Variants in NTNG2 observed in about 807,000 individuals in gnomAD.
NTNG2 encodes the protein netrin G2, also known as netrin-G2.
In NTNG2, 15 loss-of-function variants were observed where a neutral mutation model predicts 47.6. That is an observed-to-expected ratio of 0.32 (90% CI 0.21 to 0.49). NTNG2 has a LOEUF of 0.49. Among genes scored for constraint, NTNG2 ranks in the 20% least tolerant of loss-of-function variants. The pLI is 0.99. For missense variants in NTNG2, 578 were observed against 764.6 expected, an observed-to-expected ratio of 0.76 and a Z score of 2.88; for synonymous variants, 307 against 324.6, an observed-to-expected ratio of 0.95 and a Z score of 0.58.
chr9:132,204,647 C>T (rs1839030544), intron 3 of NTNG2, among the ~76,000 whole-genome samples: 1 of 152,204 alleles, frequency 6.6e-6, no homozygotes, highest in South Asian at 2.1e-4. Flanking sequence ...GCAATATTAA[C>T]TGTCATTCAC....
chr9:132,166,824 G>T lies in NTNG2; in HGVS notation c.-8G>T. On this transcript the variant is annotated 5_prime_UTR_variant, in exon 2 of 8. Transcript: ENST00000393229. ...TCTCTGGGCCGCGCCTCTGCAGACT[G>T]CGCAGCCATGCTGCATCTGCTGGCG... 1 of 1,613,288 alleles carries T rather than the reference G, an allele frequency of 6.2e-7. No individual in the cohort carries two copies. Among genetic ancestry groups the T allele is most frequent in the Non-Finnish European group, 8.5e-7 (1 of 1,179,734 alleles).
intron 3 of NTNG2, among the ~76,000 whole-genome samples, chr9:132,216,704 T>C (rs1840020534): frequency 1.3e-5 from 2 of 152,064 alleles, no homozygotes; most frequent in Non-Finnish European, 2.9e-5. Flanking sequence ...GTGAGATTGA[T>C]GGTTCCTGAG....
In NTNG2 at chr9:132,230,054, C is replaced by T. The variant is rs58246041; in HGVS notation, c.1031-518C>T. ...TTCCCTCATAGGGTTCTTGTGAGGA[C>T]GGCACGATTTACGCAGGGGATGCTG... On this transcript the variant is annotated intron_variant, in intron 4 of 7. Coordinates refer to ENST00000393229, the MANE Select transcript of NTNG2 (RefSeq NM_032536.4). 5.5e-3 allele frequency among the ~76,000 whole-genome samples: 841 copies of T among 152,324 alleles called. 15 individuals carry two copies. The highest frequency in any genetic ancestry group is 0.019 in the African/African-American group (803 of 41,582).
chr9:132,230,493 T>C, intron 4 of NTNG2, 79 bp from the exon 5 acceptor site: 2 of 1,396,882 alleles, frequency 1.4e-6, no homozygotes, highest in Non-Finnish European at 2.0e-6. Flanking sequence ...TCCCCTGCCC[T>C]GCTGGCCCCT....
intron 3 of NTNG2, among the ~76,000 whole-genome samples, chr9:132,206,769 A>G (rs1465554226): frequency 3.9e-5 from 6 of 152,280 alleles, no homozygotes; most frequent in Admixed American, 3.3e-4. Flanking sequence ...CTTCAACTGC[A>G]TCTCCCAGGC....
chr9:132,162,567 AGAGTGTGTGTGTGTGTGTGTGTGT>A lies in NTNG2; in HGVS notation c.-484+330_-484+353del, dbSNP rs1835130648. 9.8e-6 allele frequency among the ~76,000 whole-genome samples: 1 copy of A among 101,688 alleles called. No individual in the cohort carries two copies. Among genetic ancestry groups the A allele is most frequent in the African/African-American group, 3.6e-5 (1 of 27,402 alleles). The allele number at this position is 101,688 out of a possible 152,430, so 66.7% of individuals were successfully genotyped here. A position where few individuals can be genotyped will look rare whatever the true frequency, so the allele number is the denominator to read the frequency against. On this transcript the variant is annotated intron_variant, in intron 1 of 7. Coordinates refer to ENST00000393229, the MANE Select transcript of NTNG2 (RefSeq NM_032536.4). The surrounding 1 kb of genome is among the most constrained non-coding windows in gnomAD (Gnocchi z 4.6). ...GTGTGTGTGTGTGTGAGAGAGAGACAGAGTGTGTGTGTGTGTGTGTGTGTGTGTGTGTGTGTGTGTGTGTGTGTG... is the reference window on the plus strand; with the variant it reads ...GTGTGTGTGTGTGTGAGAGAGAGACAGTGTGTGTGTGTGTGTGTGTGTGTG...
chr9:132,164,115 G>T (rs1835314793), intron 1 of NTNG2, among the ~76,000 whole-genome samples: 1 of 151,996 alleles, frequency 6.6e-6, no homozygotes, highest in Non-Finnish European at 1.5e-5. Flanking sequence ...TGCAATATTC[G>T]TGTGCTGAGC....
intron 2 of NTNG2, among the ~76,000 whole-genome samples, chr9:132,173,975 C>CG (rs1487467070): frequency 6.8e-6 from 1 of 146,136 alleles, no homozygotes; most frequent in South Asian, 2.2e-4. Context: ...GACAGACGAA[C>CG]AGACAGGCAG....
chr9:132,181,744 G>A (rs545412793), intron 2 of NTNG2, among the ~76,000 whole-genome samples: 7 of 152,322 alleles, frequency 4.6e-5, no homozygotes, highest in African/African-American at 1.4e-4. Flanking sequence ...AAGTCTTAAG[G>A]TAGAGCTTGT....
Position 132,223,974 on chromosome 9 carries a change from C to T in NTNG2, c.858-2875C>T, listed in dbSNP as rs555910025. 3.3e-5 allele frequency among the ~76,000 whole-genome samples: 5 copies of T among 152,300 alleles called. No individual in the cohort carries two copies. In the South Asian group the frequency reaches 1.0e-3, roughly 32 times the overall value. ...CTTCTTTCAGCCCTAGGGCTTTCCT[C>T]ATGCTCTTGCCTCTTTCTAGAAGGT... On this transcript the variant is annotated intron_variant, in intron 3 of 7. Transcript: ENST00000393229.
intron 4 of NTNG2, among the ~76,000 whole-genome samples, chr9:132,228,428 T>C (rs1840953074): frequency 6.6e-6 from 1 of 152,140 alleles, no homozygotes; most frequent in South Asian, 2.1e-4. Flanking sequence ...GTCCAAACCC[T>C]TTCCTGAGGT....
chr9:132,203,370 A>G (rs1838928159), intron 3 of NTNG2, among the ~76,000 whole-genome samples: 2 of 152,074 alleles, frequency 1.3e-5, no homozygotes, highest in African/African-American at 4.8e-5. Flanking sequence ...ATTCAAATGA[A>G]TAATAAAAAT....
chr9:132,190,201 C>A (rs981729808), intron 2 of NTNG2, among the ~76,000 whole-genome samples: 3 of 139,862 alleles, frequency 2.1e-5, no homozygotes, highest in African/African-American at 8.3e-5. Context: ...CCACTGCACT[C>A]CAGACTGGGC....
rs149825104 is a variant in NTNG2, at chr9:132,236,069, C to G, written c.1055-3035C>G. On this transcript the variant is annotated intron_variant, in intron 5 of 7. Coordinates refer to ENST00000393229, the MANE Select transcript of NTNG2 (RefSeq NM_032536.4). This position sits in a 1 kb window ranked among gnomAD's most constrained non-coding sequence, Gnocchi z 4.3. ...AGGCCCCGCCTCCCACGACAGGAAC[C>G]CCCCTCTCCAGCTGCCCTTGCTCAC... Among the ~76,000 whole-genome samples, 1 of 152,220 alleles carries G rather than the reference C, an allele frequency of 6.6e-6. No homozygotes were observed. The highest frequency in any genetic ancestry group is 6.5e-5 in the Admixed American group (1 of 15,290).
At chr9:132,172,188 G>A (rs1205597285) in intron 2 of NTNG2, among the ~76,000 whole-genome samples, 2 of 152,092 alleles carry the variant, frequency 1.3e-5, no homozygotes, top group Non-Finnish European at 2.9e-5. Flanking sequence ...CAAGGCTTCC[G>A]CTTCTACCTG....
At chr9:132,174,486 T>TC (rs1836256390) in intron 2 of NTNG2, among the ~76,000 whole-genome samples, 1 of 152,182 alleles carries the variant, frequency 6.6e-6, no homozygotes. Flanking sequence ...GGACTTGGGA[T>TC]AAGTCCCTTG....
rs1323881076 is a variant in NTNG2 at position 132,162,882 on chromosome 9, C to T, written c.-484+643C>T. 6.6e-6 allele frequency among the ~76,000 whole-genome samples: 1 copy of T among 152,066 alleles called. No individual in the cohort carries two copies. The highest frequency in any genetic ancestry group is 2.1e-4 in the South Asian group (1 of 4,816). ...GGTTTGGGGCCGGCGTGGAGTCGAACCTGGAACTGAGCGGCGCGCAGGTGG... is the reference window on the plus strand; with the variant it reads ...GGTTTGGGGCCGGCGTGGAGTCGAATCTGGAACTGAGCGGCGCGCAGGTGG... On this transcript the variant is annotated intron_variant, in intron 1 of 7. Transcript: ENST00000393229. This position sits in a 1 kb window ranked among gnomAD's most constrained non-coding sequence, Gnocchi z 4.6.
rs1450446516 is a variant in NTNG2, at chr9:132,197,410, T to A, written c.214-556T>A. On this transcript the variant is annotated intron_variant, in intron 2 of 7. Transcript: ENST00000393229. This position sits in a 1 kb window ranked among gnomAD's most constrained non-coding sequence, Gnocchi z 4.3. ...TCTCAATAAAAAAATAAAATTAAAA[T>A]TAAAAAATAAAAGGCTCAGGAAGGT... 6.6e-6 allele frequency among the ~76,000 whole-genome samples: 1 copy of A among 151,878 alleles called. No homozygotes were observed. Among genetic ancestry groups the A allele is most frequent in the Non-Finnish European group, 1.5e-5 (1 of 67,946 alleles).
intron 2 of NTNG2, among the ~76,000 whole-genome samples, chr9:132,188,345 G>T (rs376465254): frequency 6.6e-6 from 1 of 152,248 alleles, no homozygotes; most frequent in African/African-American, 2.4e-5. Context: ...CTGCCTCCCC[G>T]TGGAACCCGA....
Sources: gnomAD v4.1 joint callset for allele counts (sites outside exome capture counted in the v4.1 genomes callset) on GRCh38, gnomAD v4.1.1 for gene constraint, Gnocchi (gnomAD v3.1) non-coding constraint, MANE v1.5 for transcripts, NCBI Gene and HGNC (gene_info 2026-07-23, HGNC 2026-07-21) for gene names.